The following NDST3 variants were observed in gnomAD, a reference collection of about 807,000 sequenced individuals.
NDST3 encodes N-deacetylase and N-sulfotransferase 3.
A neutral mutation model predicts 96.1 loss-of-function variants in NDST3; 58 were observed. The observed-to-expected ratio is 0.60, with a 90% CI of 0.49 to 0.75. NDST3 has a LOEUF of 0.75. NDST3 is among the 30% of genes least tolerant of loss of function. NDST3 has a pLI of 0.00. For synonymous variants in NDST3, 333 were observed against 359.7 expected (o/e 0.93, Z 0.84); for missense variants, 788 against 1,034.2 (o/e 0.76, Z 3.27).
At chr4:118,148,796 C>T (rs1734151150) in intron 6 of NDST3, among the ~76,000 whole-genome samples, 5 of 151,854 alleles carry the variant, frequency 3.3e-5, no homozygotes, top group African/African-American at 9.7e-5. Flanking sequence ...TTTTTTTGTT[C>T]GCTAGTTCTG....
rs1326721818 is a variant in NDST3 at position 118,255,610 on chromosome 4, A to C, written c.2520A>C (p.Ser840=). Residue 840 remains serine, a synonymous_variant, in exon 14 of 14, where the codon TCA becomes TCC. Transcript: ENST00000296499. Reference sequence around the variant, plus strand: ...CCACTTAGAGCAGGACATTTCTGTCAAGCTACTATCGAGATCACAACGTGG... The same window carrying C: ...CCACTTAGAGCAGGACATTTCTGTCCAGCTACTATCGAGATCACAACGTGG... ...PMDSDSRTFL[S]SYYRDHNVEL... The C allele has an allele frequency of 6.2e-7, 1 of 1,613,142 alleles. No homozygotes were observed. The highest frequency in any genetic ancestry group is 8.5e-7 in the Non-Finnish European group (1 of 1,179,392).
chr4:118,212,315 A>G (rs994169804), intron 6 of NDST3, among the ~76,000 whole-genome samples: 3 of 152,174 alleles, frequency 2.0e-5, no homozygotes, highest in Non-Finnish European at 4.4e-5. Flanking sequence ...GTGGGCAGAG[A>G]GCTTGAGCAG....
In NDST3 at chr4:118,143,627, A is replaced by G. The variant is rs1733725906; in HGVS notation, c.1482A>G (p.Lys494=). 6.2e-7 allele frequency: 1 copy of G among 1,610,874 alleles called. No homozygotes were observed. The highest frequency in any genetic ancestry group is 8.5e-7 in the Non-Finnish European group (1 of 1,178,838). ...ACAAAGAATATCCAGGGGGTCCTAA[A>G]GAGCTGGATAAGAGTATCCAAGGAG... ...IFYKEYPGGP[K]ELDKSIQGGE... The change falls in exon 6 of 14, where the codon AAA becomes AAG. Residue 494 remains lysine (K), a synonymous_variant. Transcript: ENST00000296499.
intron 2 of NDST3, among the ~76,000 whole-genome samples, chr4:118,064,643 A>G (rs1469636473): frequency 6.6e-6 from 1 of 152,180 alleles, no homozygotes; most frequent in Non-Finnish European, 1.5e-5. Context: ...ATGATTATAC[A>G]GGATTATTAA....
intron 4 of NDST3, among the ~76,000 whole-genome samples, chr4:118,136,212 A>G (rs894437997): frequency 1.3e-5 from 2 of 152,246 alleles, no homozygotes; most frequent in African/African-American, 4.8e-5. Context: ...TAACATTTCC[A>G]TGTAACAAAC....
chr4:118,037,893 C>T (rs1002570334), intron 1 of NDST3, among the ~76,000 whole-genome samples: 20 of 152,146 alleles, frequency 1.3e-4, no homozygotes, highest in African/African-American at 4.8e-4. Flanking sequence ...AACCTTCAAC[C>T]TCCTCAAGAC....
chr4:118,164,063 A>G (rs1312062128), intron 6 of NDST3, among the ~76,000 whole-genome samples: 1 of 152,150 alleles, frequency 6.6e-6, no homozygotes, highest in Non-Finnish European at 1.5e-5. Context: ...TTGCAGCACT[A>G]TTTACAATAG....
chr4:118,097,186 G>A (rs1729383605), intron 2 of NDST3, among the ~76,000 whole-genome samples: 1 of 151,884 alleles, frequency 6.6e-6, no homozygotes, highest in Non-Finnish European at 1.5e-5. Context: ...AAGTTCTCAT[G>A]TAATGTTAAC....
At chr4:118,068,439 TTTC>T (rs1413845142) in intron 2 of NDST3, among the ~76,000 whole-genome samples, 2 of 152,146 alleles carry the variant, frequency 1.3e-5, no homozygotes, top group Non-Finnish European at 2.9e-5. Flanking sequence ...TCGTCACTAG[TTTC>T]TTCTTAATCA....
intron 2 of NDST3, among the ~76,000 whole-genome samples, chr4:118,063,725 TTA>T (rs753555780): frequency 4.0e-4 from 61 of 152,130 alleles, no homozygotes; most frequent in Non-Finnish European, 8.2e-4. Context: ...AAAACAAAGA[TTA>T]TAAGCAGCAT....
chr4:118,225,482 G>A (rs1217733177), intron 7 of NDST3, among the ~76,000 whole-genome samples: 2 of 152,156 alleles, frequency 1.3e-5, no homozygotes, highest in Non-Finnish European at 2.9e-5. Context: ...TACAGATGAA[G>A]AAACTGAAGC....
chr4:118,053,225 G>A (rs1725187209), intron 1 of NDST3, among the ~76,000 whole-genome samples: 1 of 151,910 alleles, frequency 6.6e-6, no homozygotes, highest in South Asian at 2.1e-4. Context: ...TTTTGAAAGG[G>A]TTATTTTAAT....
intron 6 of NDST3, among the ~76,000 whole-genome samples, chr4:118,160,557 A>G (rs528472495): frequency 1.3e-5 from 2 of 152,348 alleles, no homozygotes; most frequent in South Asian, 2.1e-4. Flanking sequence ...GCCAATAAGC[A>G]TATTAAAAAA....
In NDST3 at chr4:118,224,440, C is replaced by G. The variant is rs570154850; in HGVS notation, c.1540-51C>G. ...AGCATGGCTGTGATTATACTGCCCT[C>G]TAGTGTCAAAATAAATGTTATTTAC... On this transcript the variant is annotated intron_variant, in intron 6 of 13. Transcript: ENST00000296499. 261 of 1,508,656 alleles carry G rather than the reference C, an allele frequency of 1.7e-4. 1 individual carries two copies. The South Asian group carries it at 3.2e-3, about 19-fold the overall frequency. 93.5% of individuals were successfully genotyped at this position (1,508,656 alleles called of 1,614,324 possible). A position where few individuals can be genotyped will look rare whatever the true frequency, so the allele number is the denominator to read the frequency against.
chr4:118,062,821 T>C (rs1196585823), intron 2 of NDST3, among the ~76,000 whole-genome samples: 1 of 152,138 alleles, frequency 6.6e-6, no homozygotes, highest in African/African-American at 2.4e-5. Context: ...TATAAATTAT[T>C]TAAAGAAAGC....
rs941527085 is a variant in NDST3 at position 118,088,787 on chromosome 4, G to T, written c.982-16231G>T. Among the ~76,000 whole-genome samples the T allele has an allele frequency of 4.5e-4, 68 of 151,982 alleles. 1 individual carries two copies. The highest frequency in any genetic ancestry group is 7.8e-4 in the Non-Finnish European group (53 of 67,934). ...AAACAGAAAAATTAAGAACAAGACG[G>T]ATAGTAACTTTCTTGACAGTTATGC... is the stretch of plus-strand genomic sequence containing the variant. On this transcript the variant is annotated intron_variant, in intron 2 of 13. Transcript: ENST00000296499.
intron 6 of NDST3, among the ~76,000 whole-genome samples, chr4:118,157,659 T>A (rs1225846052): frequency 6.6e-6 from 1 of 152,066 alleles, no homozygotes; most frequent in Non-Finnish European, 1.5e-5. Flanking sequence ...CCTGACCTCA[T>A]GATCCACCCA....
chr4:118,191,873 A>G (rs537736645), intron 6 of NDST3, among the ~76,000 whole-genome samples: 1 of 152,314 alleles, frequency 6.6e-6, no homozygotes, highest in Non-Finnish European at 1.5e-5. Context: ...TGTTCTCCAC[A>G]GTAGTTGTAC....
intron 1 of NDST3, among the ~76,000 whole-genome samples, chr4:118,040,508 A>C (rs1354339484): frequency 6.6e-6 from 1 of 152,092 alleles, no homozygotes; most frequent in African/African-American, 2.4e-5. Flanking sequence ...TGTGCTTCCC[A>C]CAACTCTACT....
Sources: allele counts gnomAD v4.1 joint callset (sites outside exome capture counted in the v4.1 genomes callset), GRCh38; gene constraint gnomAD v4.1.1; transcripts MANE v1.5; gene names NCBI Gene and HGNC (gene_info 2026-07-23, HGNC 2026-07-21).